Variants in CNMD observed in about 807,000 individuals in gnomAD.
CNMD encodes chondromodulin, also known as leukocyte cell-derived chemotaxin 1.
A neutral mutation model predicts 37.5 loss-of-function variants in CNMD; 30 were observed. The ratio of observed to expected loss-of-function variants is 0.80; its 90% CI spans 0.60 to 1.09. The LOEUF (loss-of-function observed/expected upper bound fraction) is 1.09. Among genes scored for constraint, CNMD ranks in the 50% least tolerant of loss-of-function variants. CNMD has a pLI of 0.00. For missense variants in CNMD, 398 were observed against 423.9 expected, an observed-to-expected ratio of 0.94 and a Z score of 0.54; for synonymous variants, 167 against 148.2, an observed-to-expected ratio of 1.13 and a Z score of -0.92.
chr13:52,715,317 T>A (rs1964355764), intron 4 of CNMD, among the ~76,000 whole-genome samples: 1 of 152,174 alleles, frequency 6.6e-6, no homozygotes, highest in South Asian at 2.1e-4. Flanking sequence ...CTGGTAATCA[T>A]CCTTCTATTC....
chr13:52,718,171 G>A (rs531147983), intron 4 of CNMD, among the ~76,000 whole-genome samples: 1 of 152,252 alleles, frequency 6.6e-6, no homozygotes, highest in East Asian at 1.9e-4. Flanking sequence ...TTGTATTTCT[G>A]TGGGATCAGT....
Position 52,739,679 on chromosome 13 carries a change from A to G in CNMD, c.23T>C (p.Val8Ala). 1 of 1,614,052 alleles carries G rather than the reference A, an allele frequency of 6.2e-7. No homozygotes were observed. Among genetic ancestry groups the G allele is most frequent in the South Asian group, 1.1e-5 (1 of 91,076 alleles). Residue 8 changes from valine (V) to alanine (A), a missense_variant, in exon 1 of 7, where the codon GTT (valine) becomes GCT (alanine). By Grantham distance (64) the Val-to-Ala change is moderately conservative (BLOSUM62 0). Coordinates refer to ENST00000377962, the MANE Select transcript of CNMD (RefSeq NM_007015.3). This position sits in a 1 kb window ranked among gnomAD's most constrained non-coding sequence, Gnocchi z 5.4. MTENSDK[V>A]PIALVGPDDV... ...ATCAGGTCCCACCAGGGCAATGGGA[A>G]CTTTGTCGGAGTTCTCTGTCATGTT...
At chr13:52,708,982 T>C (rs1189385519) in intron 5 of CNMD, among the ~76,000 whole-genome samples, 3 of 152,162 alleles carry the variant, frequency 2.0e-5, no homozygotes, top group Admixed American at 2.0e-4. Flanking sequence ...CCCTTTCTTT[T>C]GGTCTGCCTT....
At chr13:52,735,120 C>T (rs1019050113) in intron 2 of CNMD, among the ~76,000 whole-genome samples, 1 of 152,222 alleles carries the variant, frequency 6.6e-6, no homozygotes, top group Admixed American at 6.5e-5. Flanking sequence ...TTTAGTGGAG[C>T]TAGAGCACAG....
Position 52,708,581 on chromosome 13 carries a change from A to G in CNMD, c.744T>C (p.Ser248=), listed in dbSNP as rs768592016. The G allele has an allele frequency of 1.2e-6, 2 of 1,614,026 alleles. No homozygotes were observed. The highest frequency in any genetic ancestry group is 1.7e-6 in the Non-Finnish European group (2 of 1,179,952). Residue 248 remains serine, a synonymous_variant, in exon 6 of 7, where the codon AGT becomes AGC. Transcript: ENST00000377962. ...AGRLNNETRP[S]VQEDSQAFNP... ...TGAAGGCTTGTGAGTCCTCTTGAAC[A>G]CTGGGTCTGGTTTCATTATTCAGTC...
At chr13:52,723,935 G>A (rs1964524278) in intron 4 of CNMD, 62 bp downstream of exon 4, 3 of 1,034,536 alleles carry the variant, frequency 2.9e-6, no homozygotes, top group Admixed American at 3.6e-5. Context: ...AAACCAAAAG[G>A]GTTGTGCCTT....
rs149900706 is a variant in CNMD, at chr13:52,710,981, A to C, written c.622+1735T>G. 8.5e-3 allele frequency among the ~76,000 whole-genome samples: 1,294 copies of C among 152,294 alleles called. 9 individuals carry two copies. Among genetic ancestry groups the C allele is most frequent in the Non-Finnish European group, 0.012 (838 of 68,026 alleles). On this transcript the variant is annotated intron_variant, in intron 5 of 6. Coordinates refer to ENST00000377962, the MANE Select transcript of CNMD (RefSeq NM_007015.3). ...TCTAGTGCCCACCCCATGGCCCTGC[A>C]CTGGCATTTTCCATAGCACCTTGTA...
intron 3 of CNMD, among the ~76,000 whole-genome samples, chr13:52,724,851 C>T (rs377348548): frequency 1.3e-5 from 2 of 152,046 alleles, no homozygotes; most frequent in African/African-American, 2.4e-5. Context: ...CAGCCAAGAT[C>T]GCCACTGCAC....
In CNMD at chr13:52,706,592, G is replaced by C. The variant is rs1018511896; in HGVS notation, c.789+1944C>G. On this transcript the variant is annotated intron_variant, in intron 6 of 6. Transcript: ENST00000377962. ...GCCATGAAAGCATAACTAAATTTCT[G>C]TACATTTATGTATACAATGAGTTAC... Among the ~76,000 whole-genome samples the C allele has an allele frequency of 3.9e-5, 6 of 152,108 alleles. No individual in the cohort carries two copies. In the South Asian group the frequency reaches 6.2e-4, roughly 16 times the overall value.
In CNMD at chr13:52,708,523, C is replaced by T; in HGVS notation, c.789+13G>A. ...GCATTTGTCTAATCATGTCAAAAAG[C>T]ACCGGAACGCACATGATAAGGATTA... is the stretch of plus-strand genomic sequence containing the variant. On this transcript the variant is annotated intron_variant, in intron 6 of 6. Coordinates refer to ENST00000377962, the MANE Select transcript of CNMD (RefSeq NM_007015.3). 1 of 1,600,938 alleles carries T rather than the reference C, an allele frequency of 6.2e-7. No homozygotes were observed. Among genetic ancestry groups the T allele is most frequent in the South Asian group, 1.1e-5 (1 of 88,110 alleles).
At chr13:52,715,696 G>T (rs1964365828) in intron 4 of CNMD, among the ~76,000 whole-genome samples, 1 of 152,108 alleles carries the variant, frequency 6.6e-6, no homozygotes, top group African/African-American at 2.4e-5. Flanking sequence ...CATTTTTATG[G>T]CTGCATAGTA....
chr13:52,730,426 T>C (rs1380290165), intron 3 of CNMD, among the ~76,000 whole-genome samples: 2 of 152,082 alleles, frequency 1.3e-5, no homozygotes, highest in Non-Finnish European at 2.9e-5. Context: ...TGAACTAGTT[T>C]ACAGTCCCAC....
chr13:52,719,766 C>G (rs1034497402), intron 4 of CNMD, among the ~76,000 whole-genome samples: 1 of 152,068 alleles, frequency 6.6e-6, no homozygotes, highest in Non-Finnish European at 1.5e-5. Flanking sequence ...ACATTTTTTC[C>G]TTCATTTCAA....
At position 52,733,245 on chromosome 13, in the gene CNMD, C is replaced by T. The variant is rs1421292777; in HGVS notation, c.328G>A (p.Ala110Thr). The change falls in exon 3 of 7, where the codon GCA becomes ACA. Residue 110 changes from alanine to threonine, a missense_variant. Coordinates refer to ENST00000377962, the MANE Select transcript of CNMD (RefSeq NM_007015.3). ...TFKMGSGAEEAIAVNDFQNGI... is the reference protein window; with the variant it reads ...TFKMGSGAEETIAVNDFQNGI... Reference sequence around the variant, plus strand: ...TTCTGGAAATCATTAACTGCAATTGCTTCTTCAGCTCCACTTCCCATTTTA... The same window carrying T: ...TTCTGGAAATCATTAACTGCAATTGTTTCTTCAGCTCCACTTCCCATTTTA... 1.9e-6 allele frequency: 3 copies of T among 1,614,022 alleles called. No individual in the cohort carries two copies. Among genetic ancestry groups the T allele is most frequent in the Non-Finnish European group, 2.5e-6 (3 of 1,179,976 alleles).
At chr13:52,735,783 A>G (rs1594291767) in intron 2 of CNMD, among the ~76,000 whole-genome samples, 1 of 150,768 alleles carries the variant, frequency 6.6e-6, no homozygotes, top group Admixed American at 6.6e-5. Flanking sequence ...CACAGATTGG[A>G]CAAGCTTGAC....
chr13:52,712,249 C>T (rs1321221253), intron 5 of CNMD, among the ~76,000 whole-genome samples: 1 of 152,202 alleles, frequency 6.6e-6, no homozygotes. Flanking sequence ...AATATTCAAG[C>T]TCTGAACTTG....
intron 3 of CNMD, among the ~76,000 whole-genome samples, chr13:52,724,597 CA>C (rs1173786531): frequency 6.6e-6 from 1 of 151,002 alleles, no homozygotes; most frequent in Non-Finnish European, 1.5e-5. Context: ...CGTCTCAAAA[CA>C]AAAACAAAAA....
At chr13:52,733,818 C>T (rs116167863) in intron 2 of CNMD, among the ~76,000 whole-genome samples, 2,106 of 152,274 alleles carry the variant, frequency 0.014, 52 homozygotes, top group African/African-American at 0.047. Flanking sequence ...ATTGGGCTCC[C>T]AGCTGAACAC....
At chr13:52,716,129 T>C (rs1264566741) in intron 4 of CNMD, among the ~76,000 whole-genome samples, 3 of 152,262 alleles carry the variant, frequency 2.0e-5, no homozygotes, top group Non-Finnish European at 4.4e-5. Context: ...TTCATGTTTG[T>C]TGGCCACATA....
Sources: allele counts gnomAD v4.1 joint callset (sites outside exome capture counted in the v4.1 genomes callset), GRCh38; gene constraint gnomAD v4.1.1; non-coding constraint Gnocchi (gnomAD v3.1); transcripts MANE v1.5; gene names NCBI Gene and HGNC (gene_info 2026-07-23, HGNC 2026-07-21).